Variants in NSD3 observed in about 807,000 individuals in gnomAD.
The protein encoded by NSD3 is histone-lysine N-methyltransferase NSD3.
In NSD3, 24 loss-of-function variants were observed where a neutral mutation model predicts 160.8. That is an observed-to-expected ratio of 0.15 (90% CI 0.11 to 0.21). NSD3 has a LOEUF of 0.21. Among genes scored for constraint, NSD3 ranks in the 10% least tolerant of loss-of-function variants. The pLI, the probability that NSD3 is intolerant of heterozygous loss-of-function variation, is 1.00. For missense variants in NSD3, 1,157 were observed against 1,735.9 expected, an observed-to-expected ratio of 0.67 and a Z score of 5.93; for synonymous variants, 520 against 600.0, an observed-to-expected ratio of 0.87 and a Z score of 1.95.
chr8:38,311,903 C>T (rs1403786137), intron 12 of NSD3, among the ~76,000 whole-genome samples: 1 of 152,112 alleles, frequency 6.6e-6, no homozygotes, highest in Non-Finnish European at 1.5e-5. Flanking sequence ...ATTTTTTCTT[C>T]CAAGAGTTTT....
rs374800619 is a variant in NSD3, at chr8:38,269,890, A to T, written c.*5751T>A. ...TAATGTACAAAAATTATATGTTCCT[A>T]CCAGCACACACATCAGTAAAGAAGC... On this transcript the variant is annotated 3_prime_UTR_variant, in exon 24 of 24. Coordinates refer to ENST00000317025, the MANE Select transcript of NSD3 (RefSeq NM_023034.2). 8.5e-5 allele frequency: 13 copies of T among 152,258 alleles called. No homozygotes were observed. Among genetic ancestry groups the T allele is most frequent in the African/African-American group, 3.1e-4 (13 of 41,466 alleles). 9.4% of individuals were successfully genotyped at this position (152,258 alleles called of 1,614,324 possible).
At chr8:38,376,107 A>G (rs1021411093) in intron 1 of NSD3, among the ~76,000 whole-genome samples, 3 of 152,066 alleles carry the variant, frequency 2.0e-5, no homozygotes, top group Non-Finnish European at 4.4e-5. Flanking sequence ...TTTTTTTTCC[A>G]GGTCCTTTTC....
intron 3 of NSD3, 55 bp from the exon 4 acceptor site, chr8:38,337,522 T>G: frequency 7.3e-7 from 1 of 1,371,162 alleles, no homozygotes; most frequent in Non-Finnish European, 9.6e-7. Flanking sequence ...AAACTATGTA[T>G]AAAGTACATT....
chr8:38,296,481 A>C (rs1809147606), intron 15 of NSD3, among the ~76,000 whole-genome samples: 1 of 152,192 alleles, frequency 6.6e-6, no homozygotes. Context: ...AGAATACAAA[A>C]AGCAAAAGGA....
rs1304765252 is a variant in NSD3 at position 38,382,246 on chromosome 8, CCCG to C, written c.-495_-493del. On this transcript the variant is annotated 5_prime_UTR_variant, in exon 1 of 24. Coordinates refer to ENST00000317025, the MANE Select transcript of NSD3 (RefSeq NM_023034.2). This position sits in a 1 kb window ranked among gnomAD's most constrained non-coding sequence, Gnocchi z 4.2. ...CGTGCTGGCCGCCGCCGCCGCCTCT[CCCG>C]CCGCCGCCGCGCACAAAGCCCCCCC... 40 of 169,782 alleles carry C rather than the reference CCCG, an allele frequency of 2.4e-4. No homozygotes were observed. The highest frequency in any genetic ancestry group is 6.2e-4 in the South Asian group (4 of 6,474). 10.5% of individuals were successfully genotyped at this position (169,782 alleles called of 1,614,324 possible).
At chr8:38,354,535 G>C (rs1444559341) in intron 1 of NSD3, among the ~76,000 whole-genome samples, 2 of 152,172 alleles carry the variant, frequency 1.3e-5, no homozygotes, top group African/African-American at 2.4e-5. Context: ...TCATTCTTAG[G>C]AGAGCTATGC....
intron 1 of NSD3, among the ~76,000 whole-genome samples, chr8:38,373,191 CTT>C (rs1811299695): frequency 6.6e-6 from 1 of 151,992 alleles, no homozygotes; most frequent in Non-Finnish European, 1.5e-5. Flanking sequence ...TCTTAAAGGA[CTT>C]ATTACCTGGG....
chr8:38,323,095 C>G (rs1237417763), intron 7 of NSD3, among the ~76,000 whole-genome samples: 1 of 152,188 alleles, frequency 6.6e-6, no homozygotes, highest in Non-Finnish European at 1.5e-5. Flanking sequence ...CTCCCTGTCA[C>G]CCAGGCTGGA....
intron 19 of NSD3, among the ~76,000 whole-genome samples, chr8:38,283,550 G>A (rs1808781728): frequency 1.3e-5 from 2 of 151,652 alleles, no homozygotes; most frequent in Admixed American, 6.6e-5. Flanking sequence ...ATAAGCCAAT[G>A]GTCTTTAAAA....
chr8:38,291,866 T>G (rs556989332), intron 16 of NSD3, among the ~76,000 whole-genome samples: 162 of 152,352 alleles, frequency 1.1e-3, no homozygotes, highest in Non-Finnish European at 2.0e-3. Context: ...AACAGCTTCA[T>G]GCAGCCCCAC....
intron 12 of NSD3, among the ~76,000 whole-genome samples, chr8:38,306,124 T>G (rs1809386047): frequency 6.6e-6 from 1 of 151,948 alleles, no homozygotes; most frequent in Non-Finnish European, 1.5e-5. Flanking sequence ...AAAACCTAGT[T>G]CTTTGAAAAA....
intron 14 of NSD3, among the ~76,000 whole-genome samples, chr8:38,300,778 A>C (rs895937649): frequency 1.3e-5 from 2 of 152,182 alleles, no homozygotes; most frequent in African/African-American, 4.8e-5. Context: ...ATCAGTGTAT[A>C]ATGATGTAGG....
At chr8:38,330,149 TCTC>T (rs1810020765) in intron 5 of NSD3, among the ~76,000 whole-genome samples, 1 of 152,140 alleles carries the variant, frequency 6.6e-6, no homozygotes, top group East Asian at 1.9e-4. Context: ...GAGACATCCT[TCTC>T]CTCTCATATA....
rs989961343 is a variant in NSD3, at chr8:38,366,516, G to C, written c.-45+15283C>G. Among the ~76,000 whole-genome samples, 10 of 150,834 alleles carry C rather than the reference G, an allele frequency of 6.6e-5. No individual in the cohort carries two copies. The Admixed American group carries it at 6.6e-4, about 10-fold the overall frequency. ...TGCAACCTTTGCCTCCTGGGTTCAA[G>C]CAATTCTCTGCCTCAGCCTCGTGAG... On this transcript the variant is annotated intron_variant, in intron 1 of 23. Coordinates refer to ENST00000317025, the MANE Select transcript of NSD3 (RefSeq NM_023034.2).
intron 1 of NSD3, among the ~76,000 whole-genome samples, chr8:38,368,376 A>T (rs531810699): frequency 6.6e-6 from 1 of 152,348 alleles, no homozygotes; most frequent in African/African-American, 2.4e-5. Flanking sequence ...AAATTTAGAG[A>T]AAGATGTTTA....
chr8:38,366,944 T>C (rs1235052532), intron 1 of NSD3, among the ~76,000 whole-genome samples: 2 of 152,164 alleles, frequency 1.3e-5, no homozygotes, highest in Non-Finnish European at 2.9e-5. Flanking sequence ...ACAGTGCTGA[T>C]CTACATTATT....
chr8:38,337,320 T>C lies in NSD3; in HGVS notation c.895A>G (p.Lys299Glu). The C allele has an allele frequency of 6.2e-7, 1 of 1,603,944 alleles. No individual in the cohort carries two copies. Among genetic ancestry groups the C allele is most frequent in the Non-Finnish European group, 8.5e-7 (1 of 1,177,110 alleles). ...SSDPQLEVHT[K>E]INTRGAREYH... ...CTTTTCTTACCTCTTGTGTTAATTT[T>C]AGTATGAACCTCAAGCTGGGGATCA... Residue 299 changes from lysine to glutamate, a missense_variant, in exon 4 of 24, where the codon AAA becomes GAA. This residue lies in a region of NSD3 where 99 missense variants were observed against 151.8 expected (regional missense o/e 0.65). Transcript: ENST00000317025.
At chr8:38,366,603 G>A (rs532150911) in intron 1 of NSD3, among the ~76,000 whole-genome samples, 4 of 151,814 alleles carry the variant, frequency 2.6e-5, no homozygotes, top group Admixed American at 1.3e-4. Flanking sequence ...TAGTAGAGAC[G>A]GGGTTTCACC....
At chr8:38,302,408 G>A (rs979634708) in intron 14 of NSD3, among the ~76,000 whole-genome samples, 1 of 152,182 alleles carries the variant, frequency 6.6e-6, no homozygotes, top group African/African-American at 2.4e-5. Flanking sequence ...TTTGTCAAAT[G>A]CTAGAAAATA....
Sources: allele counts gnomAD v4.1 joint callset (sites outside exome capture counted in the v4.1 genomes callset), GRCh38; gene constraint gnomAD v4.1.1; regional missense constraint gnomAD v4.1.1; non-coding constraint Gnocchi (gnomAD v3.1); transcripts MANE v1.5; gene names NCBI Gene and HGNC (gene_info 2026-07-23, HGNC 2026-07-21).